The following PDE11A variants were observed in gnomAD, a reference collection of about 807,000 sequenced individuals.
The protein encoded by PDE11A is dual 3',5'-cyclic-AMP and -GMP phosphodiesterase 11A.
A neutral mutation model predicts 100.5 loss-of-function variants in PDE11A; 100 were observed. That is an observed-to-expected ratio of 1.00 (90% CI 0.85 to 1.18). The LOEUF is 1.18. PDE11A is among the 50% of genes most tolerant of loss of function. PDE11A has a pLI of 0.00. For missense variants in PDE11A, 1,141 were observed against 1,152.6 expected (o/e 0.99, Z 0.15); for synonymous variants, 381 against 420.8 (o/e 0.91, Z 1.16).
Position 177,769,320 on chromosome 2 carries a change from T to C in PDE11A, c.1788+3A>G. The C allele has an allele frequency of 6.4e-7, 1 of 1,573,680 alleles. No individual in the cohort carries two copies. The highest frequency in any genetic ancestry group is 8.7e-7 in the Non-Finnish European group (1 of 1,143,148). On this transcript the variant is annotated splice_donor_region_variant and intron_variant, in intron 10 of 19. Coordinates refer to ENST00000286063, the MANE Select transcript of PDE11A (RefSeq NM_016953.4). ...CTAATAAGGAAACCATTTTCTTCCT[T>C]ACCTTAAACTTGTCAACTTCAGCTT...
At chr2:178,049,256 T>C (rs1488647819) in intron 1 of PDE11A, among the ~76,000 whole-genome samples, 1 of 152,186 alleles carries the variant, frequency 6.6e-6, no homozygotes, top group East Asian at 1.9e-4. Flanking sequence ...TTGAGATGGT[T>C]TTACAAGTAA....
intron 12 of PDE11A, among the ~76,000 whole-genome samples, chr2:177,724,999 C>A (rs982611788): frequency 6.6e-6 from 1 of 151,956 alleles, no homozygotes; most frequent in African/African-American, 2.4e-5. Flanking sequence ...AATTTTGGTT[C>A]TAACACAACC....
chr2:177,835,402 C>T (rs1484378738), intron 6 of PDE11A, among the ~76,000 whole-genome samples: 2 of 152,146 alleles, frequency 1.3e-5, no homozygotes, highest in Non-Finnish European at 2.9e-5. Context: ...GTAATTGTGT[C>T]CCCCTACTAC....
chr2:177,635,407 C>T (rs1045412700), intron 19 of PDE11A, among the ~76,000 whole-genome samples: 1 of 152,138 alleles, frequency 6.6e-6, no homozygotes, highest in Non-Finnish European at 1.5e-5. Context: ...CCTGGCCCAT[C>T]GCAGACAGGA....
intron 4 of PDE11A, among the ~76,000 whole-genome samples, chr2:177,895,262 G>T (rs1036173579): frequency 6.6e-6 from 1 of 152,046 alleles, no homozygotes; most frequent in Admixed American, 6.6e-5. Flanking sequence ...TTTAAAAAAT[G>T]CTATTCTGGG....
chr2:177,816,090 A>G (rs905536793), intron 9 of PDE11A, among the ~76,000 whole-genome samples: 2 of 152,172 alleles, frequency 1.3e-5, no homozygotes, highest in African/African-American at 4.8e-5. Flanking sequence ...GCATGCCTGT[A>G]ATCCCAGCTA....
intron 2 of PDE11A, among the ~76,000 whole-genome samples, chr2:178,009,545 G>A (rs1175133237): frequency 1.7e-5 from 2 of 115,612 alleles, no homozygotes; most frequent in South Asian, 6.6e-4. Context: ...CATTAAAAGG[G>A]AAGCTTTCAG....
intron 1 of PDE11A, among the ~76,000 whole-genome samples, chr2:178,106,229 A>C (rs1208476346): frequency 6.6e-6 from 1 of 152,232 alleles, no homozygotes; most frequent in African/African-American, 2.4e-5. Flanking sequence ...TGCTTTATAC[A>C]CAACAACCTG....
chr2:177,865,925 G>A (rs902000524), intron 5 of PDE11A, among the ~76,000 whole-genome samples: 3 of 152,036 alleles, frequency 2.0e-5, no homozygotes, highest in African/African-American at 4.8e-5. Context: ...GAAGCAGACA[G>A]CAATGGTATG....
At chr2:177,920,032 GA>G in intron 2 of PDE11A, among the ~76,000 whole-genome samples, 1 of 151,984 alleles carries the variant, frequency 6.6e-6, no homozygotes, top group Non-Finnish European at 1.5e-5. Context: ...TCATCATTTG[GA>G]AAAAAGCCTA....
intron 2 of PDE11A, among the ~76,000 whole-genome samples, chr2:177,947,094 T>A: frequency 3.3e-5 from 1 of 30,742 alleles, no homozygotes; most frequent in Admixed American, 3.2e-4. Context: ...TACTGGGAAG[T>A]GAGGAGCCCC....
At position 177,629,042 on chromosome 2, in the gene PDE11A, C is replaced by T. The variant is rs6734426; in HGVS notation, c.*365G>A. On this transcript the variant is annotated 3_prime_UTR_variant, in exon 20 of 20. Transcript: ENST00000286063. ...ACAAACAGAAAAGCCCTATACAAAA[C>T]GAAGCAGCGCTAATGACGCTTTTAC... The T allele has an allele frequency of 0.74, 217,254 of 292,712 alleles. 84,810 individuals carry two copies. Among genetic ancestry groups the T allele is most frequent in the East Asian group, 0.88 (10,623 of 12,090 alleles). 18.1% of individuals were successfully genotyped at this position (292,712 alleles called of 1,614,324 possible).
At chr2:178,103,928 C>T (rs537078760) in intron 2 of PDE11A, among the ~76,000 whole-genome samples, 11 of 152,186 alleles carry the variant, frequency 7.2e-5, no homozygotes, top group South Asian at 6.2e-4. Flanking sequence ...GCTGAATATA[C>T]GCTTCAAACT....
At chr2:177,630,019 T>C (rs888837503) in intron 19 of PDE11A, among the ~76,000 whole-genome samples, 1 of 152,218 alleles carries the variant, frequency 6.6e-6, no homozygotes, top group Non-Finnish European at 1.5e-5. Flanking sequence ...CTTACTTGAA[T>C]AGGAAAGGTC....
At chr2:177,691,157 G>C (rs1433561947) in intron 15 of PDE11A, among the ~76,000 whole-genome samples, 4 of 152,150 alleles carry the variant, frequency 2.6e-5, no homozygotes, top group Non-Finnish European at 5.9e-5. Context: ...TAGAGGATGA[G>C]ATATAGCGTT....
intron 2 of PDE11A, among the ~76,000 whole-genome samples, chr2:177,979,082 A>T (rs1219069784): frequency 7.1e-5 from 6 of 84,642 alleles, no homozygotes; most frequent in African/African-American, 2.5e-4. Flanking sequence ...TATAATAAAA[A>T]AAAAAAAAAA....
intron 10 of PDE11A, among the ~76,000 whole-genome samples, chr2:177,761,932 T>C (rs1018920832): frequency 6.6e-6 from 1 of 152,202 alleles, no homozygotes; most frequent in Non-Finnish European, 1.5e-5. Flanking sequence ...CTTTGTGAGC[T>C]GGAACCTACA....
chr2:177,962,380 C>T (rs565416917), intron 2 of PDE11A, among the ~76,000 whole-genome samples: 94 of 151,616 alleles, frequency 6.2e-4, no homozygotes, highest in Non-Finnish European at 9.1e-4. Flanking sequence ...GTTATACAAT[C>T]GGTAAAATGA....
At chr2:177,680,421 T>G (rs1259706090) in intron 16 of PDE11A, among the ~76,000 whole-genome samples, 1 of 152,078 alleles carries the variant, frequency 6.6e-6, no homozygotes, top group Non-Finnish European at 1.5e-5. Flanking sequence ...TTCTGACTGG[T>G]TTTCTATCCG....
Sources: gnomAD v4.1 joint callset for allele counts (sites outside exome capture counted in the v4.1 genomes callset) on GRCh38, gnomAD v4.1.1 for gene constraint, MANE v1.5 for transcripts, NCBI Gene and HGNC (gene_info 2026-07-23, HGNC 2026-07-21) for gene names.